Variants in NISCH observed in about 807,000 individuals in gnomAD.
NISCH encodes nischarin, also known as I-1 receptor candidate protein.
NISCH carries 55 observed loss-of-function variants against 138.4 expected under a neutral mutation model. That is an observed-to-expected ratio of 0.40 (90% confidence interval 0.32 to 0.50). The LOEUF (loss-of-function observed/expected upper bound fraction) is 0.50, where lower values mean the gene tolerates loss of function less well. Ranked by LOEUF, NISCH falls within the 20% of genes least tolerant of loss-of-function variation. The pLI, the probability that NISCH is intolerant of heterozygous loss-of-function variation, is 0.71. For synonymous variants in NISCH, 860 were observed against 861.5 expected (o/e 1.00, Z 0.03); for missense variants, 1,643 against 2,005.5 (o/e 0.82, Z 3.45).
Position 52,484,653 on chromosome 3 carries a change from C to T in NISCH, c.1653+16C>T, listed in dbSNP as rs111615864. The T allele has an allele frequency of 5.0e-4, 807 of 1,613,554 alleles. 4 individuals are homozygous for T. Among genetic ancestry groups the T allele is most frequent in the Middle Eastern group, 1.3e-3 (8 of 6,060 alleles). ...TGCGGGACAGGTAATGCCCTCTTCC[C>T]GCTTCTGGGGACCATACATCTGTGG... On this transcript the variant is annotated intron_variant, in intron 14 of 20. Coordinates refer to ENST00000345716, the MANE Select transcript of NISCH (RefSeq NM_007184.4).
chr3:52,487,046 C>T lies in NISCH; in HGVS notation c.1704-150C>T. 1.1e-6 allele frequency: 1 copy of T among 879,300 alleles called. No individual in the cohort carries two copies. The highest frequency in any genetic ancestry group is 1.7e-6 in the Non-Finnish European group (1 of 587,404). 54.5% of individuals were successfully genotyped at this position (879,300 alleles called of 1,614,324 possible). A position where few individuals can be genotyped will look rare whatever the true frequency, so the allele number is the denominator to read the frequency against. On this transcript the variant is annotated intron_variant, in intron 15 of 20. Coordinates refer to ENST00000345716, the MANE Select transcript of NISCH (RefSeq NM_007184.4). The surrounding 1 kb of genome is among the most constrained non-coding windows in gnomAD (Gnocchi z 9.1). Reference sequence around the variant, plus strand: ...ACTGGCTCCCACCAGGGCCCTCATCCTGGGAACTGACTTGGCCATGTGGGA... The same window carrying T: ...ACTGGCTCCCACCAGGGCCCTCATCTTGGGAACTGACTTGGCCATGTGGGA...
At chr3:52,480,748 C>T (rs549871881) in intron 13 of NISCH, 3 of 1,429,540 alleles carry the variant, frequency 2.1e-6, no homozygotes, top group South Asian at 3.1e-5. Context: ...TGTGGGGTGA[C>T]CCAGCCCCAG....
At chr3:52,478,661 C>A in intron 11 of NISCH, 84 bp downstream of exon 11, 1 of 1,292,488 alleles carries the variant, frequency 7.7e-7, no homozygotes, top group South Asian at 1.2e-5. Context: ...GATATATGTC[C>A]ATTGTTCTAC....
At chr3:52,491,721 C>A in intron 20 of NISCH, 151 bp from the exon 21 acceptor site, 1 of 1,146,604 alleles carries the variant, frequency 8.7e-7, no homozygotes, top group Non-Finnish European at 1.2e-6. Flanking sequence ...CCAGTGCCTG[C>A]TTTGGGCTCC....
intron 13 of NISCH, among the ~76,000 whole-genome samples, chr3:52,482,836 G>A (rs1457220693): frequency 1.3e-5 from 2 of 152,222 alleles, no homozygotes; most frequent in Non-Finnish European, 2.9e-5. Context: ...GCTCCACAGA[G>A]GTGGTCGATG....
In NISCH at chr3:52,489,365, C is replaced by G; in HGVS notation, c.3143C>G (p.Ala1048Gly). Residue 1048 changes from alanine to glycine, a missense_variant, in exon 17 of 21, where the codon GCA becomes GGA. Coordinates refer to ENST00000345716, the MANE Select transcript of NISCH (RefSeq NM_007184.4). ...SNDQRPQEVP[A>G]EALAPAPAEV... ...GACCAGCGTCCCCAGGAGGTCCCAG[C>G]AGAGGCTCTGGCCCCGGCCCCAGCG... 1 of 1,611,892 alleles carries G rather than the reference C, an allele frequency of 6.2e-7. No homozygotes were observed. The highest frequency in any genetic ancestry group is 8.5e-7 in the Non-Finnish European group (1 of 1,179,006).
Position 52,473,793 on chromosome 3 carries a change from C to G in NISCH, c.729C>G (p.Ala243=). 1 of 1,610,320 alleles carries G rather than the reference C, an allele frequency of 6.2e-7. No individual in the cohort carries two copies. Among genetic ancestry groups the G allele is most frequent in the Non-Finnish European group, 8.5e-7 (1 of 1,177,000 alleles). The change falls in exon 7 of 21, where the codon GCC becomes GCG. Residue 243 remains alanine (A), a synonymous_variant. Coordinates refer to ENST00000345716, the MANE Select transcript of NISCH (RefSeq NM_007184.4). The part of the protein sequence containing the change: ...RGLVASKPTL[A]TLSVRFSATS... ...TGGTCGCATCGAAGCCCACCTTAGC[C>G]ACGCTGAGTGTCCGCTTCTCAGCAA...
At position 52,487,790 on chromosome 3, in the gene NISCH, C is replaced by T. The variant is rs373385160; in HGVS notation, c.2298C>T (p.Gly766=). 1.2e-5 allele frequency: 20 copies of T among 1,613,464 alleles called. No homozygotes were observed. The highest frequency in any genetic ancestry group is 2.2e-5 in the East Asian group (1 of 44,888). Reference sequence around the variant, plus strand: ...GCTTTGTCTTTTGCTTCCCGCATGGCGACCTCACCGAGTTTGGCTTCCTCA... The same window carrying T: ...GCTTTGTCTTTTGCTTCCCGCATGGTGACCTCACCGAGTTTGGCTTCCTCA... ...SLRFVFCFPH[G]DLTEFGFLMP... The change falls in exon 16 of 21, where the codon GGC becomes GGT. Residue 766 remains glycine, a synonymous_variant. Transcript: ENST00000345716. The surrounding 1 kb of genome is among the most constrained non-coding windows in gnomAD (Gnocchi z 9.1).
chr3:52,480,122 T>C lies in NISCH; in HGVS notation c.1417-62T>C, dbSNP rs530263653. 3.2e-5 allele frequency: 51 copies of C among 1,591,766 alleles called. No individual in the cohort carries two copies. In the East Asian group the frequency reaches 6.3e-4, roughly 20 times the overall value. On this transcript the variant is annotated intron_variant, in intron 12 of 20. Coordinates refer to ENST00000345716, the MANE Select transcript of NISCH (RefSeq NM_007184.4). ...CCGTTGCGCTCCCTCCTCACACCCC[T>C]GGCCTTGGGGAGCTCTGTGCTTCCT...
chr3:52,486,841 C>G (rs527311205), intron 15 of NISCH, among the ~76,000 whole-genome samples: 1 of 152,236 alleles, frequency 6.6e-6, no homozygotes, highest in African/African-American at 2.4e-5. Flanking sequence ...GATTCATGCC[C>G]TGGAGTGTTC....
Position 52,493,030 on chromosome 3 carries a change from T to C in NISCH, c.*548T>C, listed in dbSNP as rs1410933858. 2 of 158,296 alleles carry C rather than the reference T, an allele frequency of 1.3e-5. No homozygotes were observed. The highest frequency in any genetic ancestry group is 2.8e-5 in the Non-Finnish European group (2 of 71,714). The allele number at this position is 158,296 out of a possible 1,614,324, so 9.8% of individuals were successfully genotyped here. On this transcript the variant is annotated 3_prime_UTR_variant, in exon 21 of 21. Coordinates refer to ENST00000345716, the MANE Select transcript of NISCH (RefSeq NM_007184.4). The stretch of plus-strand genomic sequence containing the variant: ...AGCACCAAGCGTGATTCCTGCTGCC[T>C]GTATTCTCTATTCCAATAAAGCAGA...
intron 3 of NISCH, 24 bp from the exon 4 acceptor site, chr3:52,470,835 G>A (rs753831013): frequency 6.2e-7 from 1 of 1,613,882 alleles, no homozygotes. Context: ...GACTTTCTAA[G>A]GGCAAATTTT....
At chr3:52,481,376 C>G in intron 13 of NISCH, 1 of 988,976 alleles carries the variant, frequency 1.0e-6, no homozygotes, top group South Asian at 4.7e-5. Context: ...AAGAGAATTC[C>G]TGAGCGTGGA....
chr3:52,489,220 C>T, intron 16 of NISCH, 116 bp from the exon 17 acceptor site: 1 of 1,281,532 alleles, frequency 7.8e-7, no homozygotes, highest in Non-Finnish European at 1.1e-6. Flanking sequence ...GTGGAAGTCC[C>T]CAGTAACCCA....
At position 52,488,292 on chromosome 3, in the gene NISCH, A is replaced by G; in HGVS notation, c.2800A>G (p.Asn934Asp). Reference protein sequence around the residue: ...FNPMPNRGTHNCRNRNSFKLS... With the variant: ...FNPMPNRGTHDCRNRNSFKLS... ...CCCCATGCCCAACCGTGGCACCCAC[A>G]ACTGTCGCAACCGCAACAGCTTCAA... Residue 934 changes from asparagine (N) to aspartate (D), a missense_variant, in exon 16 of 21, where the codon AAC (asparagine) becomes GAC (aspartate). Coordinates refer to ENST00000345716, the MANE Select transcript of NISCH (RefSeq NM_007184.4). 1 of 1,610,842 alleles carries G rather than the reference A, an allele frequency of 6.2e-7. No individual in the cohort carries two copies. Among genetic ancestry groups the G allele is most frequent in the Non-Finnish European group, 8.5e-7 (1 of 1,179,974 alleles).
chr3:52,478,127 T>G lies in NISCH; in HGVS notation c.1018T>G (p.Ser340Ala). The G allele has an allele frequency of 6.2e-7, 1 of 1,614,068 alleles. No individual in the cohort carries two copies. Among genetic ancestry groups the G allele is most frequent in the Non-Finnish European group, 8.5e-7 (1 of 1,179,998 alleles). Residue 340 changes from serine (S) to alanine (A), a missense_variant, in exon 10 of 21, where the codon TCC (serine) becomes GCC (alanine). Transcript: ENST00000345716. Reference sequence around the variant, plus strand: ...GTATAACCTTGTGCATCTGGACCTGTCCTACAACAAGCTCTCCTCCTTGGA... The same window carrying G: ...GTATAACCTTGTGCATCTGGACCTGGCCTACAACAAGCTCTCCTCCTTGGA... ...HLYNLVHLDL[S>A]YNKLSSLEGL... is the part of the protein sequence containing the mutation.
chr3:52,492,068 C>T lies in NISCH; in HGVS notation c.4101C>T (p.Pro1367=). Residue 1367 remains proline (P), a synonymous_variant, in exon 21 of 21, where the codon CCC becomes CCT. Coordinates refer to ENST00000345716, the MANE Select transcript of NISCH (RefSeq NM_007184.4). ...CACCCCCTGGGTGCTGCAGGGGCCC[C>T]CTGCGCCCCAAGACACTCCTGCTCA... ...GMPPPGCCRG[P]LRPKTLLLTS... 6.2e-7 allele frequency: 1 copy of T among 1,613,134 alleles called. No homozygotes were observed. Among genetic ancestry groups the T allele is most frequent in the Non-Finnish European group, 8.5e-7 (1 of 1,180,000 alleles).
At chr3:52,477,787 CT>C in intron 9 of NISCH, 145 bp downstream of exon 9, 1 of 697,344 alleles carries the variant, frequency 1.4e-6, no homozygotes, top group Non-Finnish European at 2.5e-6. Context: ...CAGCAATGCA[CT>C]GAGTGATTGT....
intron 3 of NISCH, among the ~76,000 whole-genome samples, chr3:52,463,203 C>G (rs1434580607): frequency 6.6e-6 from 1 of 152,210 alleles, no homozygotes; most frequent in Non-Finnish European, 1.5e-5. Context: ...TAAATAGAAT[C>G]ATACAGTGTG....
Sources: gnomAD v4.1 joint callset for allele counts (sites outside exome capture counted in the v4.1 genomes callset) on GRCh38, gnomAD v4.1.1 for gene constraint, Gnocchi (gnomAD v3.1) non-coding constraint, MANE v1.5 for transcripts, NCBI Gene and HGNC (gene_info 2026-07-23, HGNC 2026-07-21) for gene names.